PCDH15: variants seen among roughly 807,000 people sequenced by gnomAD.
PCDH15 encodes the protein protocadherin-15.
Under a neutral mutation model 178.5 loss-of-function variants are expected in PCDH15, and 129 were observed. That is an observed-to-expected ratio of 0.72 (90% CI 0.63 to 0.84). The LOEUF (loss-of-function observed/expected upper bound fraction) is 0.84. Among genes scored for constraint, PCDH15 ranks in the 40% least tolerant of loss-of-function variants. The probability of loss-of-function intolerance (pLI) is 0.00; values close to 1 mark genes in which losing one functional copy is unlikely to be tolerated. For missense variants in PCDH15, 2,230 were observed against 2,099.9 expected (o/e 1.06, Z -1.21); for synonymous variants, 800 against 732.0 (o/e 1.09, Z -1.50).
chr10:54,331,846 T>G (rs1233618177), intron 6 of PCDH15, among the ~76,000 whole-genome samples: 2 of 152,004 alleles, frequency 1.3e-5, no homozygotes, highest in African/African-American at 4.8e-5. Flanking sequence ...GAGTCTTGAA[T>G]AGTCTAGCTT....
At chr10:54,699,348 TAA>T (rs2095277051) in intron 1 of PCDH15, among the ~76,000 whole-genome samples, 1 of 152,098 alleles carries the variant, frequency 6.6e-6, no homozygotes, top group Non-Finnish European at 1.5e-5. Context: ...CATTTCTGAA[TAA>T]AAGTCATCAA....
intron 2 of PCDH15, among the ~76,000 whole-genome samples, chr10:54,631,360 A>C (rs1056578194): frequency 2.0e-5 from 3 of 152,132 alleles, no homozygotes; most frequent in Non-Finnish European, 4.4e-5. Flanking sequence ...TTTTAAAAAA[A>C]TTACCCAATG....
At chr10:54,320,667 A>G (rs999711496) in intron 7 of PCDH15, among the ~76,000 whole-genome samples, 1 of 152,062 alleles carries the variant, frequency 6.6e-6, no homozygotes, top group African/African-American at 2.4e-5. Context: ...TGTCTATAAT[A>G]TATGAATTAA....
At chr10:54,315,621 A>G (rs10763097) in intron 8 of PCDH15, among the ~76,000 whole-genome samples, 99,771 of 151,966 alleles carry the variant, frequency 0.66, 33,625 homozygotes, top group Middle Eastern at 0.81. Context: ...TGTCCTGAAT[A>G]GTATTGCCTA....
At chr10:53,897,666 G>A in intron 26 of PCDH15, among the ~76,000 whole-genome samples, 1 of 152,076 alleles carries the variant, frequency 6.6e-6, no homozygotes, top group East Asian at 1.9e-4. Context: ...CGGTAACAGA[G>A]TAGCCATTAA....
At chr10:54,271,413 T>C (rs768451983) in intron 8 of PCDH15, among the ~76,000 whole-genome samples, 62 of 152,154 alleles carry the variant, frequency 4.1e-4, no homozygotes, top group Non-Finnish European at 6.9e-4. Flanking sequence ...TGTCACCAAA[T>C]TGGCGAGGCT....
At position 55,253,648 on chromosome 10, in the gene PCDH15, T is replaced by C. The variant is rs574418839; in HGVS notation, c.-156+65951A>G. Among the ~76,000 whole-genome samples, 5 of 152,190 alleles carry C rather than the reference T, an allele frequency of 3.3e-5. No homozygotes were observed. In the South Asian group the frequency reaches 6.2e-4, roughly 19 times the overall value. ...TGTTCTAGGAGAATTTGAAGCTAAA[T>C]TTCAGAAACATATAAACCTATTCTT... On this transcript the variant is annotated intron_variant, in intron 1 of 5. Transcript: ENST00000458638.
chr10:53,976,704 T>C (rs1286254433), intron 21 of PCDH15, among the ~76,000 whole-genome samples: 1 of 150,856 alleles, frequency 6.6e-6, no homozygotes, highest in Non-Finnish European at 1.5e-5. Flanking sequence ...ATTTTTTTTG[T>C]GATTTGCCAT....
chr10:54,886,838 G>T (rs1367514095), intron 3 of PCDH15, among the ~76,000 whole-genome samples: 1 of 152,194 alleles, frequency 6.6e-6, no homozygotes, highest in Non-Finnish European at 1.5e-5. Flanking sequence ...ATTTTGAAAG[G>T]CAATAAATAG....
At chr10:54,854,254 C>T (rs576066724) in intron 3 of PCDH15, among the ~76,000 whole-genome samples, 20 of 152,276 alleles carry the variant, frequency 1.3e-4, no homozygotes, top group African/African-American at 4.3e-4. Context: ...AACTCCAGGG[C>T]CCCAAAGAGG....
intron 2 of PCDH15, among the ~76,000 whole-genome samples, chr10:54,534,199 C>G (rs188168011): frequency 6.6e-6 from 1 of 151,944 alleles, no homozygotes; most frequent in African/African-American, 2.4e-5. Flanking sequence ...TCCTTTCATG[C>G]AAGGGCTGAT....
intron 3 of PCDH15, among the ~76,000 whole-genome samples, chr10:54,853,629 C>G (rs1336654206): frequency 6.8e-6 from 1 of 146,320 alleles, no homozygotes; most frequent in African/African-American, 2.5e-5. Flanking sequence ...TAAAAAAGCT[C>G]TGGAAAAAAA....
intron 2 of PCDH15, among the ~76,000 whole-genome samples, chr10:54,660,978 G>C (rs555858952): frequency 7.1e-4 from 108 of 151,750 alleles, no homozygotes; most frequent in African/African-American, 2.5e-3. Context: ...AATAAGAGCC[G>C]TCTATGACAA....
At chr10:54,911,725 G>C (rs1305780468) in intron 2 of PCDH15, among the ~76,000 whole-genome samples, 1 of 152,138 alleles carries the variant, frequency 6.6e-6, no homozygotes, top group Non-Finnish European at 1.5e-5. Context: ...TCCTGATAGT[G>C]AGAGAGCTCT....
chr10:54,345,289 TTTTG>T (rs1357470352), intron 6 of PCDH15, among the ~76,000 whole-genome samples: 14 of 152,144 alleles, frequency 9.2e-5, no homozygotes, highest in Admixed American at 3.3e-4. Flanking sequence ...CAATAGAGTT[TTTTG>T]TTTGTTTGTT....
intron 18 of PCDH15, among the ~76,000 whole-genome samples, chr10:54,058,023 T>C (rs1233086367): frequency 6.6e-6 from 1 of 152,218 alleles, no homozygotes; most frequent in Non-Finnish European, 1.5e-5. Context: ...ACTATCAGCA[T>C]TTTGGTCAAA....
At chr10:54,746,797 C>A (rs1225042189) in intron 1 of PCDH15, among the ~76,000 whole-genome samples, 1 of 151,176 alleles carries the variant, frequency 6.6e-6, no homozygotes, top group Non-Finnish European at 1.5e-5. Flanking sequence ...ACAGCAAAAT[C>A]AGCAAAGGGA....
intron 2 of PCDH15, among the ~76,000 whole-genome samples, chr10:55,521,346 A>G (rs1841170819): frequency 6.6e-6 from 1 of 151,928 alleles, no homozygotes; most frequent in African/African-American, 2.4e-5. Context: ...TCATAAATCA[A>G]AAGTATTTTA....
At chr10:55,132,734 A>G (rs1367282813) in intron 2 of PCDH15, among the ~76,000 whole-genome samples, 1 of 152,206 alleles carries the variant, frequency 6.6e-6, no homozygotes, top group Non-Finnish European at 1.5e-5. Context: ...CCTATACTGA[A>G]GTACATAGAG....
Sources: gnomAD v4.1 joint callset for allele counts (sites outside exome capture counted in the v4.1 genomes callset) on GRCh38, gnomAD v4.1.1 for gene constraint, MANE v1.5 for transcripts, NCBI Gene and HGNC (gene_info 2026-07-23, HGNC 2026-07-21) for gene names.